Variants in MYO6 observed in about 807,000 individuals in gnomAD.
MYO6 encodes the protein unconventional myosin-VI.
Under a neutral mutation model 178.7 loss-of-function variants are expected in MYO6, and 74 were observed. The observed-to-expected ratio is 0.41, with a 90% CI of 0.34 to 0.50. MYO6 has a LOEUF of 0.50. MYO6 is among the 20% of genes least tolerant of loss of function. MYO6 has a pLI of 0.09. For synonymous variants in MYO6, 477 were observed against 504.6 expected (o/e 0.95, Z 0.73); for missense variants, 1,330 against 1,547.4 (o/e 0.86, Z 2.36).
intron 32 of MYO6, 80 bp from the exon 33 acceptor site, chr6:75,911,592 G>A: frequency 1.6e-6 from 2 of 1,244,156 alleles, no homozygotes; most frequent in Non-Finnish European, 2.4e-6. Context: ...TCGATTGGAA[G>A]GCTTTATAAA....
intron 1 of MYO6, among the ~76,000 whole-genome samples, chr6:75,805,002 CATATAT>C (rs749031242): frequency 6.3e-5 from 4 of 63,980 alleles, no homozygotes; most frequent in Non-Finnish European, 8.0e-5. Context: ...TACACACACA[CATATAT>C]ATATATATAT....
In MYO6 at chr6:75,870,636, T is replaced by C; in HGVS notation, c.1945-11T>C. ...TTTTGAAATAATAAACTGATTTCCT[T>C]TCTTTCACAGACACAGTTAAATTTG... is the stretch of plus-strand genomic sequence containing the variant. On this transcript the variant is annotated splice_polypyrimidine_tract_variant and intron_variant, in intron 18 of 34. Coordinates refer to ENST00000369977, the MANE Select transcript of MYO6 (RefSeq NM_004999.4). 1 of 1,610,510 alleles carries C rather than the reference T, an allele frequency of 6.2e-7. No homozygotes were observed. Among genetic ancestry groups the C allele is most frequent in the Non-Finnish European group, 8.5e-7 (1 of 1,177,472 alleles).
intron 1 of MYO6, among the ~76,000 whole-genome samples, chr6:75,784,884 A>G (rs1767381059): frequency 6.6e-6 from 1 of 152,012 alleles, no homozygotes; most frequent in Non-Finnish European, 1.5e-5. Context: ...TAGAGAAACT[A>G]AAAGTGATTT....
At chr6:75,775,337 T>G (rs959772854) in intron 1 of MYO6, among the ~76,000 whole-genome samples, 2 of 152,202 alleles carry the variant, frequency 1.3e-5, no homozygotes, top group Non-Finnish European at 2.9e-5. Flanking sequence ...GCAGGTCACC[T>G]CTGGGTCAAG....
chr6:75,913,539 TTG>T lies in MYO6; in HGVS notation c.3440-522_3440-521del, dbSNP rs948390872. On this transcript the variant is annotated intron_variant, in intron 33 of 34. Transcript: ENST00000369977. The stretch of plus-strand genomic sequence containing the variant: ...TTGTGGTCATTTTAAATCCTAAAAT[TTG>T]TTGGCAAAAGAAAAAATTTTTATAT... Among the ~76,000 whole-genome samples the T allele has an allele frequency of 2.2e-4, 33 of 152,296 alleles. No individual in the cohort carries two copies. In the South Asian group the frequency reaches 4.8e-3, roughly 22 times the overall value.
chr6:75,873,337 C>T (rs1363290454), intron 20 of MYO6, 37 bp downstream of exon 20: 2 of 1,439,064 alleles, frequency 1.4e-6, no homozygotes, highest in Non-Finnish European at 2.0e-6. Context: ...TGTTAGTAGT[C>T]ATAGCTCAAA....
chr6:75,912,859 G>A lies in MYO6; in HGVS notation c.3439+1161G>A, dbSNP rs6910627. Among the ~76,000 whole-genome samples, 599 of 152,168 alleles carry A rather than the reference G, an allele frequency of 3.9e-3. 6 individuals are homozygous for A. Among genetic ancestry groups the A allele is most frequent in the African/African-American group, 0.014 (571 of 41,536 alleles). On this transcript the variant is annotated intron_variant, in intron 33 of 34. Transcript: ENST00000369977. ...AGCTTTTAAAGTTACTAACAAAACC[G>A]GGCCTCTCGTTCCTTCATAGGGATA... is the stretch of plus-strand genomic sequence containing the variant.
At chr6:75,874,525 C>A (rs1777412318) in intron 20 of MYO6, among the ~76,000 whole-genome samples, 1 of 152,238 alleles carries the variant, frequency 6.6e-6, no homozygotes, top group South Asian at 2.1e-4. Context: ...TGCTATCAAG[C>A]ACTTCTGCCT....
At chr6:75,823,341 C>A (rs1772101347) in intron 3 of MYO6, among the ~76,000 whole-genome samples, 1 of 152,088 alleles carries the variant, frequency 6.6e-6, no homozygotes, top group South Asian at 2.1e-4. Context: ...TGACTTATAA[C>A]ATCTTTGCAT....
At position 75,839,125 on chromosome 6, in the gene MYO6, A is replaced by G. The variant is rs185709179; in HGVS notation, c.554-1460A>G. Among the ~76,000 whole-genome samples, 237 of 152,292 alleles carry G rather than the reference A, an allele frequency of 1.6e-3. 1 individual carries two copies. Among genetic ancestry groups the G allele is most frequent in the Middle Eastern group, 6.8e-3 (2 of 294 alleles). ...AGCATTCTACTCTAGATAGAATAGG[A>G]GAAATCTGCTTGAAAAGGCTTCATA... On this transcript the variant is annotated intron_variant, in intron 7 of 34. Transcript: ENST00000369977.
chr6:75,764,701 T>C (rs569326902), intron 1 of MYO6, among the ~76,000 whole-genome samples: 127 of 152,226 alleles, frequency 8.3e-4, no homozygotes, highest in African/African-American at 3.0e-3. Flanking sequence ...ATTATATCTA[T>C]TGATATTCAC....
chr6:75,811,678 A>G (rs180796974), intron 1 of MYO6, among the ~76,000 whole-genome samples: 2 of 151,832 alleles, frequency 1.3e-5, no homozygotes, highest in Non-Finnish European at 2.9e-5. Flanking sequence ...ATTTCAGGTA[A>G]TTTTTCCTAA....
intron 16 of MYO6, among the ~76,000 whole-genome samples, chr6:75,865,883 T>A (rs1294998448): frequency 1.3e-5 from 2 of 152,152 alleles, no homozygotes; most frequent in African/African-American, 4.8e-5. Flanking sequence ...TGATGTCAGG[T>A]GTTTCTTTGA....
chr6:75,878,475 T>C lies in MYO6; in HGVS notation c.2078-1345T>C, dbSNP rs577539799. On this transcript the variant is annotated intron_variant, in intron 20 of 34. Transcript: ENST00000369977. ...TTGTTACACTGGCTTACTTTTCTGC[T>C]AAGAATGCATCTGTGTGTTTTCCTA... is the stretch of plus-strand genomic sequence containing the variant. Among the ~76,000 whole-genome samples the C allele has an allele frequency of 6.6e-4, 100 of 152,344 alleles. 2 individuals carry two copies. The South Asian group carries it at 0.02, about 31-fold the overall frequency.
At chr6:75,867,344 C>T (rs999803368) in intron 18 of MYO6, 4 of 391,832 alleles carry the variant, frequency 1.0e-5, no homozygotes, top group Non-Finnish European at 1.9e-5. Context: ...CTGATTGCCT[C>T]TCCTAATGTT....
chr6:75,911,653 A>C lies in MYO6; in HGVS notation c.3413-19A>C, dbSNP rs1378282339. ...TTGGCATTTTTATCTTTTCTTCAAC[A>C]TAAAATATTTGTTCACAGATTTTGC... is the stretch of plus-strand genomic sequence containing the variant. On this transcript the variant is annotated intron_variant, in intron 32 of 34. Coordinates refer to ENST00000369977, the MANE Select transcript of MYO6 (RefSeq NM_004999.4). 1.9e-6 allele frequency: 3 copies of C among 1,607,066 alleles called. No homozygotes were observed. The highest frequency in any genetic ancestry group is 2.6e-6 in the Non-Finnish European group (3 of 1,174,154).
In MYO6 at chr6:75,890,757, T is replaced by A. The variant is rs1414664462; in HGVS notation, c.2868-471T>A. On this transcript the variant is annotated intron_variant, in intron 26 of 34. Transcript: ENST00000369977. Reference sequence around the variant, plus strand: ...TGATACCATAAAATAATTTTAACTATAATCTGAATTTGTTAGCCTCTTACA... The same window carrying A: ...TGATACCATAAAATAATTTTAACTAAAATCTGAATTTGTTAGCCTCTTACA... Among the ~76,000 whole-genome samples the A allele has an allele frequency of 4.6e-5, 7 of 152,378 alleles. No individual in the cohort carries two copies. In the East Asian group the frequency reaches 1.2e-3, roughly 25 times the overall value.
intron 18 of MYO6, 87 bp downstream of exon 18, chr6:75,867,192 C>G: frequency 6.3e-6 from 7 of 1,116,918 alleles, no homozygotes; most frequent in East Asian, 2.6e-5. Context: ...AGATCACTGT[C>G]AGAAATCTCA....
intron 1 of MYO6, among the ~76,000 whole-genome samples, chr6:75,762,018 G>A (rs1582992761): frequency 1.3e-5 from 2 of 150,250 alleles, no homozygotes; most frequent in South Asian, 4.2e-4. Flanking sequence ...TACAAGCCCC[G>A]CCTGCCAGGT....
Sources: allele counts gnomAD v4.1 joint callset (sites outside exome capture counted in the v4.1 genomes callset), GRCh38; gene constraint gnomAD v4.1.1; transcripts MANE v1.5; gene names NCBI Gene and HGNC (gene_info 2026-07-23, HGNC 2026-07-21).